The following OTOGL variants were observed in gnomAD, a reference collection of about 807,000 sequenced individuals.
OTOGL encodes the protein otogelin like.
OTOGL carries 285 observed loss-of-function variants against 318.5 expected under a neutral mutation model. The ratio of observed to expected loss-of-function variants is 0.89; its 90% CI spans 0.81 to 0.99. The LOEUF (loss-of-function observed/expected upper bound fraction) is 0.99, where lower values mean the gene tolerates loss of function less well. Ranked by LOEUF, OTOGL falls within the 50% of genes least tolerant of loss-of-function variation. The probability of loss-of-function intolerance (pLI) is 0.00; values close to 1 mark genes in which losing one functional copy is unlikely to be tolerated. For synonymous variants in OTOGL, 987 were observed against 936.5 expected (o/e 1.05, Z -0.99); for missense variants, 2,899 against 2,845.6 (o/e 1.02, Z -0.43).
chr12:80,378,201 A>G lies in OTOGL; in HGVS notation c.*153A>G, dbSNP rs1039064236. ...GGAAATTTAGCAATTTGTACAAAATATATACAGTTTCAATAGCAAAATTAA... is the reference window on the plus strand; with the variant it reads ...GGAAATTTAGCAATTTGTACAAAATGTATACAGTTTCAATAGCAAAATTAA... On this transcript the variant is annotated 3_prime_UTR_variant, in exon 59 of 59. Transcript: ENST00000547103. 2 of 584,454 alleles carry G rather than the reference A, an allele frequency of 3.4e-6. No homozygotes were observed. The highest frequency in any genetic ancestry group is 5.8e-6 in the Non-Finnish European group (2 of 342,234). 36.2% of individuals were successfully genotyped at this position (584,454 alleles called of 1,614,324 possible).
intron 26 of OTOGL, among the ~76,000 whole-genome samples, chr12:80,294,118 G>T (rs1409552481): frequency 6.6e-6 from 1 of 151,902 alleles, no homozygotes; most frequent in Non-Finnish European, 1.5e-5. Context: ...CAGCTTTGTT[G>T]TCATTATTAC....
chr12:80,120,708 TAA>T (rs1254757241), intron 1 of OTOGL, among the ~76,000 whole-genome samples: 1 of 152,168 alleles, frequency 6.6e-6, no homozygotes, highest in Non-Finnish European at 1.5e-5. Context: ...GCTGACTTGT[TAA>T]AAGATTCCCT....
At position 80,318,715 on chromosome 12, in the gene OTOGL, T is replaced by A; in HGVS notation, c.3802+2T>A. 1 of 1,243,984 alleles carries A rather than the reference T, an allele frequency of 8.0e-7. No individual in the cohort carries two copies. The highest frequency in any genetic ancestry group is 1.6e-5 in the African/African-American group (1 of 64,110). The allele number at this position is 1,243,984 out of a possible 1,614,324, so 77.1% of individuals were successfully genotyped here. ...GCCTTTTCAAAGAGAAGGTATCATG[T>A]AAGTATAATTGAAAATAAGAGTTTA... On this transcript the variant is annotated splice_donor_variant, in intron 33 of 58. Transcript: ENST00000547103. LOFTEE classifies it high-confidence loss of function.
At position 80,367,712 on chromosome 12, in the gene OTOGL, G is replaced by T; in HGVS notation, c.6483G>T (p.Leu2161=). 7.0e-7 allele frequency: 1 copy of T among 1,435,548 alleles called. No individual in the cohort carries two copies. Among genetic ancestry groups the T allele is most frequent in the South Asian group, 1.6e-5 (1 of 64,024 alleles). The allele number at this position is 1,435,548 out of a possible 1,614,324, so 88.9% of individuals were successfully genotyped here. ...GCTTTCACACTCTGAATTTTACACT[G>T]GTGAATTGTTCAAAAAAATGTGATG... ...HTGFHTLNFT[L]VNCSKKCDVH... The change falls in exon 54 of 59, where the codon CTG becomes CTT. Residue 2161 remains leucine (L), a synonymous_variant. Coordinates refer to ENST00000547103, the MANE Select transcript of OTOGL (RefSeq NM_001378609.3).
chr12:80,168,565 A>G (rs891592567), intron 1 of OTOGL, among the ~76,000 whole-genome samples: 5 of 152,224 alleles, frequency 3.3e-5, no homozygotes, highest in Non-Finnish European at 7.3e-5. Flanking sequence ...AAAGTATGAA[A>G]TTAAAAAGAA....
At chr12:80,312,658 C>T (rs1886709449) in intron 30 of OTOGL, among the ~76,000 whole-genome samples, 1 of 152,126 alleles carries the variant, frequency 6.6e-6, no homozygotes, top group South Asian at 2.1e-4. Context: ...TTTCCAAGGA[C>T]CACACCTGCT....
chr12:80,336,484 G>C lies in OTOGL; in HGVS notation c.4672G>C (p.Ala1558Pro), dbSNP rs1174745019. ...AAACAACGCAGCATTATATAGCATG[G>C]CTTCTTATATCTTAGTAAGAATTCC... The part of the protein sequence containing the change: ...DGNNAALYSM[A>P]SYILVRIPGE... The change falls in exon 40 of 59, where the codon GCT becomes CCT. Residue 1558 changes from alanine to proline, a missense_variant. Transcript: ENST00000547103. The C allele has an allele frequency of 1.2e-6, 2 of 1,608,394 alleles. No individual in the cohort carries two copies. Among genetic ancestry groups the C allele is most frequent in the Non-Finnish European group, 1.7e-6 (2 of 1,175,634 alleles).
intron 1 of OTOGL, chr12:80,208,369 G>A: frequency 2.6e-6 from 1 of 385,862 alleles, no homozygotes; most frequent in South Asian, 2.0e-5. Context: ...AGTTGTCTGG[G>A]TACAACAGGA....
At chr12:80,194,951 G>A (rs188674798) in intron 1 of OTOGL, among the ~76,000 whole-genome samples, 43 of 152,110 alleles carry the variant, frequency 2.8e-4, no homozygotes, top group Non-Finnish European at 3.8e-4. Flanking sequence ...TTCTCAAAAA[G>A]CATTTGACTT....
chr12:80,264,755 C>G (rs1018038294), intron 19 of OTOGL, among the ~76,000 whole-genome samples: 1 of 151,992 alleles, frequency 6.6e-6, no homozygotes, highest in Non-Finnish European at 1.5e-5. Flanking sequence ...CTTCTCTCAA[C>G]CCTTCTATTA....
chr12:80,150,237 A>T (rs975431641), intron 1 of OTOGL, among the ~76,000 whole-genome samples: 8 of 152,134 alleles, frequency 5.3e-5, no homozygotes, highest in African/African-American at 1.9e-4. Flanking sequence ...ATTGAGCCAA[A>T]CTTCTTTCAA....
intron 44 of OTOGL, among the ~76,000 whole-genome samples, chr12:80,351,049 TC>T (rs1889512515): frequency 6.6e-6 from 1 of 152,172 alleles, no homozygotes; most frequent in Admixed American, 6.5e-5. Context: ...TACAGTTAAG[TC>T]TTATAGTCTC....
intron 1 of OTOGL, among the ~76,000 whole-genome samples, chr12:80,170,178 GGTGTGTGTGT>G (rs532627744): frequency 1.4e-5 from 2 of 144,064 alleles, no homozygotes; most frequent in Non-Finnish European, 1.5e-5. Context: ...CTTTGTCAGG[GGTGTGTGTGT>G]GTGTGTGTGT....
Position 80,305,680 on chromosome 12 carries a change from T to C in OTOGL, c.3318T>C (p.Ser1106=), listed in dbSNP as rs1254655991. 1 of 1,568,242 alleles carries C rather than the reference T, an allele frequency of 6.4e-7. No individual in the cohort carries two copies. The highest frequency in any genetic ancestry group is 1.4e-5 in the African/African-American group (1 of 74,062). Residue 1106 remains serine (S), a synonymous_variant, in exon 29 of 59, where the codon AGT becomes AGC. Coordinates refer to ENST00000547103, the MANE Select transcript of OTOGL (RefSeq NM_001378609.3). ...EVRNARVFGD[S]WALGQCESPD... ...GAAATGCTCGGGTATTTGGAGATAG[T>C]TGGGCATTAGGACAGGTAAGTTACA...
chr12:80,301,426 T>C (rs1439428140), intron 27 of OTOGL, among the ~76,000 whole-genome samples: 4 of 152,222 alleles, frequency 2.6e-5, no homozygotes, highest in African/African-American at 9.6e-5. Context: ...AAAGCTTTTA[T>C]TGACTACATT....
chr12:80,187,924 G>A (rs7309272), intron 1 of OTOGL, among the ~76,000 whole-genome samples: 7,743 of 152,192 alleles, frequency 0.051, 634 homozygotes, highest in African/African-American at 0.18. Flanking sequence ...CTGCCCCTTC[G>A]TTTTTGAAAC....
At chr12:80,110,676 A>C (rs1869783405) in intron 1 of OTOGL, among the ~76,000 whole-genome samples, 1 of 152,106 alleles carries the variant, frequency 6.6e-6, no homozygotes, top group African/African-American at 2.4e-5. Context: ...GGTTAGTTCC[A>C]AGTCTCTGCT....
Position 80,323,789 on chromosome 12 carries a change from G to C in OTOGL, c.4148G>C (p.Cys1383Ser). 1 of 1,613,876 alleles carries C rather than the reference G, an allele frequency of 6.2e-7. No homozygotes were observed. The highest frequency in any genetic ancestry group is 8.5e-7 in the Non-Finnish European group (1 of 1,179,772). ...AGATATGAACCTTGTGCTACACCCT[G>C]TTTTAAAACATGTAGTGACCCTGAA... ...EWRYEPCATP[C>S]FKTCSDPEAL... Residue 1383 changes from cysteine (C) to serine (S), a missense_variant, in exon 35 of 59, where the codon TGT (cysteine) becomes TCT (serine). By Grantham distance (112) the Cys-to-Ser change is moderately radical. This residue lies in a region of OTOGL where 2,607 missense variants were observed against 2,524.9 expected (regional missense o/e 1.03). Coordinates refer to ENST00000547103, the MANE Select transcript of OTOGL (RefSeq NM_001378609.3).
At chr12:80,194,353 T>A (rs1407272167) in intron 1 of OTOGL, among the ~76,000 whole-genome samples, 2 of 152,192 alleles carry the variant, frequency 1.3e-5, no homozygotes, top group African/African-American at 4.8e-5. Context: ...TTGGGCAGAG[T>A]TAGTTTCTTC....
Sources: gnomAD v4.1 joint callset for allele counts (sites outside exome capture counted in the v4.1 genomes callset) on GRCh38, gnomAD v4.1.1 for gene constraint, gnomAD v4.1.1 regional missense constraint, MANE v1.5 for transcripts, NCBI Gene and HGNC (gene_info 2026-07-23, HGNC 2026-07-21) for gene names.